RIMS2: variants seen among roughly 807,000 people sequenced by gnomAD.
RIMS2 encodes regulating synaptic membrane exocytosis protein 2.
A neutral mutation model predicts 174.4 loss-of-function variants in RIMS2; 59 were observed. The observed-to-expected ratio is 0.34, with a 90% CI of 0.27 to 0.42. RIMS2 has a LOEUF of 0.42. Among genes scored for constraint, RIMS2 ranks in the 10% least tolerant of loss-of-function variants. RIMS2 has a pLI of 1.00. For synonymous variants in RIMS2, 606 were observed against 572.5 expected (o/e 1.06, Z -0.84); for missense variants, 1,620 against 1,666.3 (o/e 0.97, Z 0.48).
At chr8:103,896,943 C>T (rs1218818423) in intron 4 of RIMS2, among the ~76,000 whole-genome samples, 1 of 151,536 alleles carries the variant, frequency 6.6e-6, no homozygotes, top group African/African-American at 2.4e-5. Flanking sequence ...AAAAAACAGT[C>T]ACAGAAAATA....
At chr8:104,174,301 G>A (rs968419063) in intron 19 of RIMS2, among the ~76,000 whole-genome samples, 3 of 152,066 alleles carry the variant, frequency 2.0e-5, no homozygotes, top group Non-Finnish European at 4.4e-5. Context: ...AAATAGAAGT[G>A]AAATTTAAAT....
At chr8:103,885,709 T>C in exon 4 of RIMS2, 4 of 1,613,072 alleles carry the variant, frequency 2.5e-6, no homozygotes, top group Non-Finnish European at 3.4e-6. Flanking sequence ...GGCATAGTGA[T>C]GTTTCTTTGG....
At chr8:103,713,206 A>G (rs1196586666) in intron 2 of RIMS2, among the ~76,000 whole-genome samples, 1 of 152,124 alleles carries the variant, frequency 6.6e-6, no homozygotes, top group Non-Finnish European at 1.5e-5. Flanking sequence ...TTTAGTACAG[A>G]CAAGGTTTTG....
intron 19 of RIMS2, among the ~76,000 whole-genome samples, chr8:104,061,661 A>G (rs1005482022): frequency 6.0e-5 from 9 of 150,312 alleles, no homozygotes; most frequent in African/African-American, 2.2e-4. Flanking sequence ...AAATTGTTCT[A>G]AGCTATGCTA....
chr8:103,596,904 T>A (rs2094499109), intron 1 of RIMS2, among the ~76,000 whole-genome samples: 1 of 152,088 alleles, frequency 6.6e-6, no homozygotes, highest in African/African-American at 2.4e-5. Flanking sequence ...CTATTGGAAA[T>A]AATTTATTAG....
chr8:103,669,255 A>G lies in RIMS2; in HGVS notation c.177-27831A>G, dbSNP rs540689617. On this transcript the variant is annotated intron_variant, in intron 1 of 23. Transcript: ENST00000504942. Reference sequence around the variant, plus strand: ...CATTACCAAGAGAACTGTATAGGGAAAACTGCCCCCATGATTCAGTTGTCT... The same window carrying G: ...CATTACCAAGAGAACTGTATAGGGAGAACTGCCCCCATGATTCAGTTGTCT... 9.8e-5 allele frequency among the ~76,000 whole-genome samples: 15 copies of G among 152,286 alleles called. No individual in the cohort carries two copies. The South Asian group carries it at 3.1e-3, about 32-fold the overall frequency.
At chr8:103,501,311 T>G in intron 1 of RIMS2, 5 of 246,894 alleles carry the variant, frequency 2.0e-5, no homozygotes, top group South Asian at 1.7e-4. Flanking sequence ...CGGTGTGATT[T>G]TCCTTGGCGC....
At chr8:104,109,312 A>AAAAAT (rs2098135279) in intron 19 of RIMS2, among the ~76,000 whole-genome samples, 1 of 151,426 alleles carries the variant, frequency 6.6e-6, no homozygotes, top group Non-Finnish European at 1.5e-5. Context: ...AAAAAAAAAA[A>AAAAAT]AAAAAGAAAT....
Position 103,632,602 on chromosome 8 carries a change from G to A in RIMS2, c.177-64484G>A, listed in dbSNP as rs1183222711. On this transcript the variant is annotated intron_variant, in intron 1 of 23. Transcript: ENST00000504942. ...TGCCCAGCTAATTTTTGTATTTTTG[G>A]TAGAGACAGGTTTTTACTATGTTGG... 4.6e-5 allele frequency among the ~76,000 whole-genome samples: 7 copies of A among 151,058 alleles called. No individual in the cohort carries two copies. The East Asian group carries it at 1.2e-3, about 25-fold the overall frequency.
At chr8:103,983,253 C>G (rs2094068526) in intron 16 of RIMS2, among the ~76,000 whole-genome samples, 1 of 152,076 alleles carries the variant, frequency 6.6e-6, no homozygotes, top group Non-Finnish European at 1.5e-5. Context: ...AGATGGCACA[C>G]ACAAAAATAG....
At chr8:104,072,839 G>A (rs905768921) in intron 19 of RIMS2, among the ~76,000 whole-genome samples, 1 of 152,090 alleles carries the variant, frequency 6.6e-6, no homozygotes, top group Admixed American at 6.6e-5. Flanking sequence ...AATATTTTCA[G>A]TATACTAGAA....
intron 19 of RIMS2, among the ~76,000 whole-genome samples, chr8:104,167,349 G>A (rs1223666274): frequency 1.3e-5 from 2 of 152,104 alleles, no homozygotes; most frequent in Non-Finnish European, 2.9e-5. Flanking sequence ...ATTGTTTATT[G>A]ACTTTTTAAT....
At chr8:103,571,671 G>A (rs894254389) in intron 1 of RIMS2, among the ~76,000 whole-genome samples, 3 of 151,984 alleles carry the variant, frequency 2.0e-5, no homozygotes, top group South Asian at 2.1e-4. Context: ...TTTTTGTTGT[G>A]AGTAAAAAAG....
intron 9 of RIMS2, chr8:103,921,045 C>CAAA (rs201135433): frequency 3.4e-5 from 7 of 207,036 alleles, no homozygotes; most frequent in African/African-American, 1.3e-4. Context: ...ACAACAACAA[C>CAAA]AAAAACAGGT....
At chr8:103,715,213 T>C (rs2097353567) in intron 2 of RIMS2, among the ~76,000 whole-genome samples, 1 of 152,186 alleles carries the variant, frequency 6.6e-6, no homozygotes, top group African/African-American at 2.4e-5. Flanking sequence ...GCAGGTTTGT[T>C]ACATAGGTAA....
At chr8:104,250,376 A>G (rs2099355080) in intron 22 of RIMS2, among the ~76,000 whole-genome samples, 1 of 149,990 alleles carries the variant, frequency 6.7e-6, no homozygotes, top group Non-Finnish European at 1.5e-5. Flanking sequence ...TAATTATAAT[A>G]TATAATCTGT....
At chr8:103,879,026 A>G (rs1330669582) in intron 3 of RIMS2, among the ~76,000 whole-genome samples, 1 of 151,698 alleles carries the variant, frequency 6.6e-6, no homozygotes, top group East Asian at 1.9e-4. Context: ...GTAGTTACAA[A>G]AGCAATAAAC....
At chr8:103,892,059 A>C (rs149790890) in intron 4 of RIMS2, among the ~76,000 whole-genome samples, 2 of 152,220 alleles carry the variant, frequency 1.3e-5, no homozygotes, top group African/African-American at 4.8e-5. Flanking sequence ...TGAAGACAAT[A>C]TACATTAGCA....
intron 19 of RIMS2, among the ~76,000 whole-genome samples, chr8:104,178,744 A>G (rs967493207): frequency 6.6e-6 from 1 of 152,262 alleles, no homozygotes; most frequent in East Asian, 1.9e-4. Context: ...GTGAGTTCGT[A>G]TTTAACTGTT....
Sources: allele counts gnomAD v4.1 joint callset (sites outside exome capture counted in the v4.1 genomes callset), GRCh38; gene constraint gnomAD v4.1.1; transcripts MANE v1.5; gene names NCBI Gene and HGNC (gene_info 2026-07-23, HGNC 2026-07-21).